DOK5: variants seen among roughly 807,000 people sequenced by gnomAD.
DOK5 encodes docking protein 5, also known as downstream of tyrosine kinase 5.
Under a neutral mutation model 43.3 loss-of-function variants are expected in DOK5, and 27 were observed. That is an observed-to-expected ratio of 0.62 (90% CI 0.46 to 0.86). The LOEUF (loss-of-function observed/expected upper bound fraction) is 0.86. Among genes scored for constraint, DOK5 ranks in the 40% least tolerant of loss-of-function variants. The pLI is 0.00. For synonymous variants in DOK5, 146 were observed against 140.1 expected (o/e 1.04, Z -0.30); for missense variants, 373 against 392.9 (o/e 0.95, Z 0.43).
At position 54,537,678 on chromosome 20, in the gene DOK5, C is replaced by A. The variant is rs373320601; in HGVS notation, c.67-17255C>A. ...AAATAATCACAAGAGTTTCAGGGAC[C>A]TTGTGGCATTGTAACTAAAGATCTA... On this transcript the variant is annotated intron_variant, in intron 1 of 7. Transcript: ENST00000262593. Among the ~76,000 whole-genome samples, 45 of 152,096 alleles carry A rather than the reference C, an allele frequency of 3.0e-4. No homozygotes were observed. The South Asian group carries it at 8.5e-3, about 29-fold the overall frequency.
At chr20:54,487,778 C>A (rs947338833) in intron 1 of DOK5, among the ~76,000 whole-genome samples, 2 of 152,160 alleles carry the variant, frequency 1.3e-5, no homozygotes, top group Non-Finnish European at 2.9e-5. Context: ...TTCTCACCCC[C>A]CAAAAACTGT....
intron 4 of DOK5, among the ~76,000 whole-genome samples, chr20:54,590,916 G>T (rs955421808): frequency 3.3e-5 from 5 of 152,262 alleles, no homozygotes; most frequent in Non-Finnish European, 7.4e-5. Context: ...GACTGTATCT[G>T]CAGGGATGAA....
chr20:54,586,946 C>A (rs370427668), intron 2 of DOK5, among the ~76,000 whole-genome samples: 2 of 151,480 alleles, frequency 1.3e-5, no homozygotes, highest in African/African-American at 2.4e-5. Flanking sequence ...TTTTGTCCCA[C>A]GTGCAATGGG....
intron 6 of DOK5, among the ~76,000 whole-genome samples, chr20:54,634,191 A>G (rs533307088): frequency 1.3e-5 from 2 of 152,150 alleles, no homozygotes; most frequent in African/African-American, 4.8e-5. Flanking sequence ...CTCTCCCAAG[A>G]GGGCTGATAG....
intron 7 of DOK5, among the ~76,000 whole-genome samples, chr20:54,644,734 G>T (rs1474359583): frequency 1.3e-5 from 1 of 76,822 alleles, no homozygotes; most frequent in Non-Finnish European, 3.0e-5. Context: ...ACAAAATTTA[G>T]CTGGGCGTGG....
intron 6 of DOK5, among the ~76,000 whole-genome samples, chr20:54,637,893 C>T (rs554060200): frequency 3.1e-3 from 471 of 152,246 alleles, no homozygotes; most frequent in Non-Finnish European, 4.9e-3. Flanking sequence ...GAGGCCAAGG[C>T]GGGCAGATCA....
At chr20:54,643,804 A>G (rs873078) in intron 7 of DOK5, among the ~76,000 whole-genome samples, 8,309 of 152,284 alleles carry the variant, frequency 0.055, 243 homozygotes, top group Middle Eastern at 0.088. Flanking sequence ...GGGGGAAGTC[A>G]CTTAAAATGA....
At chr20:54,631,584 G>A (rs745392216) in intron 6 of DOK5, among the ~76,000 whole-genome samples, 1 of 151,968 alleles carries the variant, frequency 6.6e-6, no homozygotes, top group Non-Finnish European at 1.5e-5. Flanking sequence ...TAATGGATAC[G>A]GGTTGATTTA....
intron 1 of DOK5, among the ~76,000 whole-genome samples, chr20:54,521,492 C>T (rs765383008): frequency 2.0e-5 from 3 of 152,080 alleles, no homozygotes; most frequent in Non-Finnish European, 4.4e-5. Flanking sequence ...CTTATATTTA[C>T]TGGATTATTA....
At chr20:54,634,045 C>G (rs1259168715) in intron 6 of DOK5, among the ~76,000 whole-genome samples, 1 of 152,202 alleles carries the variant, frequency 6.6e-6, no homozygotes, top group Non-Finnish European at 1.5e-5. Context: ...AGAAGTGCAC[C>G]AGCAGCAAGT....
At chr20:54,521,462 G>A (rs1983393482) in intron 1 of DOK5, among the ~76,000 whole-genome samples, 1 of 152,050 alleles carries the variant, frequency 6.6e-6, no homozygotes, top group Non-Finnish European at 1.5e-5. Context: ...ACAACTCACA[G>A]AACTCAAGAA....
intron 2 of DOK5, among the ~76,000 whole-genome samples, chr20:54,585,446 T>G (rs1228050300): frequency 2.0e-5 from 3 of 152,226 alleles, no homozygotes; most frequent in Non-Finnish European, 4.4e-5. Flanking sequence ...GGTAATGAAG[T>G]CACATGTTTC....
intron 7 of DOK5, among the ~76,000 whole-genome samples, chr20:54,649,719 C>G (rs985127804): frequency 6.6e-6 from 1 of 152,184 alleles, no homozygotes; most frequent in East Asian, 1.9e-4. Flanking sequence ...CCAGATCCAG[C>G]CTGCTGACTA....
chr20:54,486,370 A>G (rs906704203), intron 1 of DOK5, among the ~76,000 whole-genome samples: 2 of 150,720 alleles, frequency 1.3e-5, no homozygotes, highest in African/African-American at 5.0e-5. Flanking sequence ...GTATATATAG[A>G]CATATATGTC....
At chr20:54,518,663 T>C (rs1216354359) in intron 1 of DOK5, among the ~76,000 whole-genome samples, 1 of 152,200 alleles carries the variant, frequency 6.6e-6, no homozygotes, top group African/African-American at 2.4e-5. Flanking sequence ...CTGAGTCAAA[T>C]GGTATTTCTA....
Position 54,644,563 on chromosome 20 carries a change from G to A in DOK5, c.856+985G>A, listed in dbSNP as rs1053934593. On this transcript the variant is annotated intron_variant, in intron 7 of 7. Transcript: ENST00000262593. ...ACTAAAAAACACAAAAAAATTAGCC[G>A]GGCGTGGTGGCGGGCGCCTGTAGTC... 1.4e-4 allele frequency among the ~76,000 whole-genome samples: 20 copies of A among 147,414 alleles called. No individual in the cohort carries two copies. In the South Asian group the frequency reaches 1.6e-3, roughly 12 times the overall value.
At chr20:54,608,825 C>A in intron 5 of DOK5, among the ~76,000 whole-genome samples, 1 of 152,054 alleles carries the variant, frequency 6.6e-6, no homozygotes, top group Non-Finnish European at 1.5e-5. Context: ...GTGCCCCCCA[C>A]ACCATGCCTG....
chr20:54,544,537 C>T (rs1313572026), intron 1 of DOK5, among the ~76,000 whole-genome samples: 1 of 152,198 alleles, frequency 6.6e-6, no homozygotes, highest in African/African-American at 2.4e-5. Context: ...AATCACTCCC[C>T]AGGTACAGCC....
chr20:54,647,090 C>A (rs1979467326), intron 7 of DOK5, among the ~76,000 whole-genome samples: 1 of 152,134 alleles, frequency 6.6e-6, no homozygotes, highest in African/African-American at 2.4e-5. Flanking sequence ...CTGGTTTTGA[C>A]ACGTGCCACA....
Sources: allele counts gnomAD v4.1 joint callset (sites outside exome capture counted in the v4.1 genomes callset), GRCh38; gene constraint gnomAD v4.1.1; transcripts MANE v1.5; gene names NCBI Gene and HGNC (gene_info 2026-07-23, HGNC 2026-07-21).